The following USP24 variants were observed in gnomAD, a reference collection of about 807,000 sequenced individuals.
USP24 encodes ubiquitin carboxyl-terminal hydrolase 24.
Under a neutral mutation model 361.6 loss-of-function variants are expected in USP24, and 97 were observed. The observed-to-expected ratio is 0.27, with a 90% CI of 0.23 to 0.32. The LOEUF is 0.32. Among genes scored for constraint, USP24 ranks in the 10% least tolerant of loss-of-function variants. The probability of loss-of-function intolerance (pLI) is 1.00; values close to 1 mark genes in which losing one functional copy is unlikely to be tolerated. For missense variants in USP24, 2,353 were observed against 3,165.6 expected, an observed-to-expected ratio of 0.74 and a Z score of 6.16; for synonymous variants, 1,098 against 1,124.6, an observed-to-expected ratio of 0.98 and a Z score of 0.47.
chr1:55,181,482 A>G (rs1311304654), intron 1 of USP24, among the ~76,000 whole-genome samples: 1 of 152,228 alleles, frequency 6.6e-6, no homozygotes, highest in Admixed American at 6.5e-5. Flanking sequence ...GGAACCTGAT[A>G]GGACTCAAAT....
chr1:55,103,688 T>C (rs1464447088), intron 42 of USP24, among the ~76,000 whole-genome samples, 188 bp downstream of exon 42: 1 of 152,244 alleles, frequency 6.6e-6, no homozygotes, highest in Admixed American at 6.5e-5. Flanking sequence ...AAGGATACTA[T>C]TTCATAATAT....
At chr1:55,145,519 G>A (rs574713333) in intron 20 of USP24, among the ~76,000 whole-genome samples, 2 of 152,280 alleles carry the variant, frequency 1.3e-5, no homozygotes, top group African/African-American at 4.8e-5. Context: ...GAAAGTGACT[G>A]TTAATGGGTA....
intron 12 of USP24, among the ~76,000 whole-genome samples, chr1:55,155,583 A>C (rs189135060): frequency 6.6e-6 from 1 of 152,164 alleles, no homozygotes; most frequent in African/African-American, 2.4e-5. Context: ...ATGGGAAGTA[A>C]TATCTTGGGA....
Position 55,147,540 on chromosome 1 carries a change from C to G in USP24, c.2118+109G>C, listed in dbSNP as rs1647062373. 4 of 1,214,492 alleles carry G rather than the reference C, an allele frequency of 3.3e-6. No individual in the cohort carries two copies. The African/African-American group carries it at 4.7e-5, about 14-fold the overall frequency. The allele number at this position is 1,214,492 out of a possible 1,614,324, so 75.2% of individuals were successfully genotyped here. A position where few individuals can be genotyped will look rare whatever the true frequency, so the allele number is the denominator to read the frequency against. On this transcript the variant is annotated intron_variant, in intron 18 of 67. Coordinates refer to ENST00000294383, the MANE Select transcript of USP24 (RefSeq NM_015306.3). ...CTGTTCCCTCACTACAAAGATACCT[C>G]ATACAACCTCTTTATAGTTACAGCT...
intron 28 of USP24, among the ~76,000 whole-genome samples, chr1:55,135,889 A>G (rs1646720884): frequency 6.6e-6 from 1 of 152,202 alleles, no homozygotes; most frequent in East Asian, 1.9e-4. Context: ...CTGGAGTCCT[A>G]ACACAGAGAA....
chr1:55,139,769 A>AATTTCACT (rs1255228348), intron 24 of USP24, among the ~76,000 whole-genome samples: 1 of 152,180 alleles, frequency 6.6e-6, no homozygotes, highest in Non-Finnish European at 1.5e-5. Context: ...CAGTACCAAA[A>AATTTCACT]ATTTCACTCT....
intron 16 of USP24, among the ~76,000 whole-genome samples, chr1:55,151,732 C>T (rs900387961): frequency 7.9e-5 from 12 of 151,970 alleles, no homozygotes; most frequent in Admixed American, 4.6e-4. Flanking sequence ...CCAAGGGAGC[C>T]GAGGGTACCC....
At chr1:55,162,771 C>T (rs762301040) in intron 7 of USP24, among the ~76,000 whole-genome samples, 2 of 152,204 alleles carry the variant, frequency 1.3e-5, no homozygotes, top group East Asian at 3.9e-4. Flanking sequence ...ATTCCAAACA[C>T]GATCTCAGTA....
intron 34 of USP24, among the ~76,000 whole-genome samples, chr1:55,124,903 C>T (rs1233206157): frequency 1.3e-5 from 2 of 152,156 alleles, no homozygotes; most frequent in African/African-American, 4.8e-5. Context: ...CATGACCTCC[C>T]ATAAGCTCTG....
intron 38 of USP24, among the ~76,000 whole-genome samples, chr1:55,117,351 A>G (rs1259473274): frequency 6.6e-6 from 1 of 152,234 alleles, no homozygotes; most frequent in Non-Finnish European, 1.5e-5. Context: ...AAAAGAACTA[A>G]AAGACATCCA....
chr1:55,196,072 A>AT (rs1336141213), intron 1 of USP24, among the ~76,000 whole-genome samples: 1 of 152,144 alleles, frequency 6.6e-6, no homozygotes, highest in African/African-American at 2.4e-5. Context: ...ACAGCCTCAT[A>AT]TACACATTTA....
At chr1:55,079,793 T>TGAGTACTCGCACAGAGTACTCACACA in intron 59 of USP24, 134 bp from the exon 60 acceptor site, 1 of 1,051,220 alleles carries the variant, frequency 9.5e-7, no homozygotes, top group Non-Finnish European at 1.3e-6. Flanking sequence ...ACTCACACAC[T>TGAGTACTCGCACAGAGTACTCACACA]GAGTACTCAC....
chr1:55,159,048 T>TAACAACAA lies in USP24; in HGVS notation c.1069-13_1069-12insTTGTTGTT. The TAACAACAA allele has an allele frequency of 6.9e-7, 1 of 1,454,700 alleles. No homozygotes were observed. The highest frequency in any genetic ancestry group is 9.1e-7 in the Non-Finnish European group (1 of 1,095,704). The allele number at this position is 1,454,700 out of a possible 1,614,324, so 90.1% of individuals were successfully genotyped here. On this transcript the variant is annotated splice_polypyrimidine_tract_variant and intron_variant, in intron 9 of 67. Transcript: ENST00000294383. The stretch of plus-strand genomic sequence containing the variant: ...ATGCTAACCAATCTCTTTTATTGAA[T>TAACAACAA]AAAAACAAAAAAACAAAAAAGGAAC...
chr1:55,075,667 ACCACC>A (rs749812317), intron 62 of USP24, 144 bp from the exon 63 acceptor site: 1 of 588,066 alleles, frequency 1.7e-6, no homozygotes, highest in Non-Finnish European at 2.9e-6. Context: ...CAACAACAAC[ACCACC>A]ACCACCAATA....
chr1:55,083,428 C>A, intron 57 of USP24, 64 bp from the exon 58 acceptor site: 1 of 1,503,658 alleles, frequency 6.7e-7, no homozygotes, highest in South Asian at 1.2e-5. Flanking sequence ...GTTTTAAAAA[C>A]ACAGCTAAAT....
chr1:55,136,581 G>A (rs538357272), intron 28 of USP24, among the ~76,000 whole-genome samples: 10 of 152,172 alleles, frequency 6.6e-5, no homozygotes, highest in Non-Finnish European at 1.0e-4. Context: ...GCCTAGACTG[G>A]TGTGCAAGCT....
rs1421752510 is a variant in USP24, at chr1:55,187,063, C to T, written c.325-8931G>A. Reference sequence around the variant, plus strand: ...ACACATATATTAAAAAGATCCTAAACCATGACCAAGTGGCACTTATCTCAG... The same window carrying T: ...ACACATATATTAAAAAGATCCTAAATCATGACCAAGTGGCACTTATCTCAG... On this transcript the variant is annotated intron_variant, in intron 1 of 67. Transcript: ENST00000294383. Among the ~76,000 whole-genome samples the T allele has an allele frequency of 2.6e-5, 4 of 151,942 alleles. No homozygotes were observed. In the South Asian group the frequency reaches 8.3e-4, roughly 32 times the overall value.
At chr1:55,071,727 T>C (rs1644922915) in intron 67 of USP24, 87 bp downstream of exon 67, 1 of 1,342,188 alleles carries the variant, frequency 7.5e-7, no homozygotes, top group African/African-American at 1.4e-5. Flanking sequence ...AGGAAGCATC[T>C]TGTTTTCCCT....
At chr1:55,091,940 A>G in intron 54 of USP24, 83 bp downstream of exon 54, 2 of 1,071,192 alleles carry the variant, frequency 1.9e-6, no homozygotes, top group Non-Finnish European at 2.7e-6. Context: ...TGCTTTCACA[A>G]TATTTTAATT....
Sources: gnomAD v4.1 joint callset for allele counts (sites outside exome capture counted in the v4.1 genomes callset) on GRCh38, gnomAD v4.1.1 for gene constraint, MANE v1.5 for transcripts, NCBI Gene and HGNC (gene_info 2026-07-23, HGNC 2026-07-21) for gene names.